GPR155: variants seen among roughly 807,000 people sequenced by gnomAD.
The protein encoded by GPR155 is lysosomal cholesterol signaling protein.
Under a neutral mutation model 93.1 loss-of-function variants are expected in GPR155, and 65 were observed. That is an observed-to-expected ratio of 0.70 (90% CI 0.57 to 0.86). GPR155 has a LOEUF of 0.86. Among genes scored for constraint, GPR155 ranks in the 40% least tolerant of loss-of-function variants. The probability of loss-of-function intolerance (pLI) is 0.00; values close to 1 mark genes in which losing one functional copy is unlikely to be tolerated. For synonymous variants in GPR155, 319 were observed against 360.1 expected, an observed-to-expected ratio of 0.89 and a Z score of 1.29; for missense variants, 838 against 1,034.8, an observed-to-expected ratio of 0.81 and a Z score of 2.61.
chr2:174,475,224 G>A (rs1688125756), intron 2 of GPR155, among the ~76,000 whole-genome samples: 1 of 145,554 alleles, frequency 6.9e-6, no homozygotes, highest in Non-Finnish European at 1.5e-5. Context: ...GAACCCGGGA[G>A]GCGGAGCTTG....
chr2:174,439,841 A>C, intron 15 of GPR155, 57 bp downstream of exon 15: 1 of 1,459,908 alleles, frequency 6.8e-7, no homozygotes, highest in Non-Finnish European at 9.5e-7. Flanking sequence ...ATCCAAAATT[A>C]ATCAATTAAT....
chr2:174,450,444 A>C (rs529327692), intron 11 of GPR155, among the ~76,000 whole-genome samples: 6 of 152,298 alleles, frequency 3.9e-5, no homozygotes, highest in African/African-American at 1.4e-4. Context: ...CCCAGGTAGC[A>C]AAACTGCACA....
chr2:174,440,108 C>G, intron 14 of GPR155, 73 bp from the exon 15 acceptor site: 1 of 1,255,784 alleles, frequency 8.0e-7, no homozygotes, highest in Non-Finnish European at 1.1e-6. Flanking sequence ...CCTTATCACC[C>G]CATCAAAATG....
At chr2:174,463,836 T>C (rs1294413567) in intron 7 of GPR155, among the ~76,000 whole-genome samples, 1 of 152,246 alleles carries the variant, frequency 6.6e-6, no homozygotes, top group Non-Finnish European at 1.5e-5. Context: ...AAAGAATACA[T>C]ACCTAGATTT....
chr2:174,461,531 A>G (rs11904003), intron 8 of GPR155, 39 bp from the exon 9 acceptor site: 101,864 of 1,558,674 alleles, frequency 0.065, 4,276 homozygotes, highest in African/African-American at 0.15. Context: ...AAAAGAAAGG[A>G]TGAATAGTAA....
intron 7 of GPR155, among the ~76,000 whole-genome samples, chr2:174,462,711 T>C (rs529921090): frequency 3.1e-4 from 47 of 152,264 alleles, no homozygotes; most frequent in Admixed American, 5.2e-4. Flanking sequence ...GTTATGTTTT[T>C]AGAAAACGCC....
chr2:174,478,518 C>G (rs1485944018), intron 2 of GPR155, among the ~76,000 whole-genome samples: 1 of 152,166 alleles, frequency 6.6e-6, no homozygotes, highest in Admixed American at 6.5e-5. Flanking sequence ...CCATGTCCAG[C>G]CTTCTTTTTT....
chr2:174,439,065 A>G (rs144940397), intron 15 of GPR155, among the ~76,000 whole-genome samples: 1 of 152,302 alleles, frequency 6.6e-6, no homozygotes, highest in East Asian at 1.9e-4. Context: ...GCTGAGTTCT[A>G]GTATTAGTCC....
intron 11 of GPR155, among the ~76,000 whole-genome samples, chr2:174,449,927 G>C (rs1687267168): frequency 6.6e-6 from 1 of 152,194 alleles, no homozygotes; most frequent in Non-Finnish European, 1.5e-5. Flanking sequence ...AGTGAGCCAA[G>C]ATCGTGCCAC....
chr2:174,485,721 C>G (rs1688459380), intron 1 of GPR155, among the ~76,000 whole-genome samples: 1 of 151,842 alleles, frequency 6.6e-6, no homozygotes, highest in African/African-American at 2.4e-5. Flanking sequence ...TTAAAAGTTT[C>G]ATTTCATCCT....
intron 4 of GPR155, among the ~76,000 whole-genome samples, chr2:174,469,548 C>G (rs918909896): frequency 6.6e-5 from 10 of 152,184 alleles, no homozygotes; most frequent in African/African-American, 2.4e-4. Flanking sequence ...CTGTAGATAC[C>G]ATTTACAATA....
At position 174,460,073 on chromosome 2, in the gene GPR155, C is replaced by G; in HGVS notation, c.1576G>C (p.Val526Leu). ...YGKEQMITTA[V>L]TLFCSILIAG... ...ATCAGGATGCTGCAGAACAGGGTGA[C>G]TGCTGTGGTGATCATCTGCCGACAT... is the stretch of plus-strand genomic sequence containing the variant. Residue 526 changes from valine (V) to leucine (L), a missense_variant, in exon 10 of 16, where the codon GTC becomes CTC. Val to Leu is a conservative substitution (Grantham distance 32). Around this residue, in one of 3 missense-constraint regions of GPR155, gnomAD observed 663 missense variants for 790.1 expected, o/e 0.84. Coordinates refer to ENST00000392552, the MANE Select transcript of GPR155 (RefSeq NM_152529.7). 6.2e-7 allele frequency: 1 copy of G among 1,612,178 alleles called. No homozygotes were observed. Among genetic ancestry groups the G allele is most frequent in the Middle Eastern group, 1.7e-4 (1 of 6,054 alleles).
At chr2:174,485,934 C>T (rs1374736596) in intron 1 of GPR155, among the ~76,000 whole-genome samples, 1 of 152,206 alleles carries the variant, frequency 6.6e-6, no homozygotes, top group Non-Finnish European at 1.5e-5. Context: ...TACTTACAAA[C>T]CGCTTCTAGC....
chr2:174,477,491 CAGA>C (rs750884005), intron 2 of GPR155, among the ~76,000 whole-genome samples: 2 of 152,026 alleles, frequency 1.3e-5, no homozygotes, highest in African/African-American at 4.8e-5. Flanking sequence ...AGCATAGAGG[CAGA>C]AGAAGTGTAG....
At position 174,431,764 on chromosome 2, in the gene GPR155, G is replaced by A. The variant is rs1003418646; in HGVS notation, c.*4352C>T. The stretch of plus-strand genomic sequence containing the variant: ...TGAGATATGAAGGGGCAAACACTAA[G>A]AGCCGCATTCTGCTGCGTAACAAAC... On this transcript the variant is annotated 3_prime_UTR_variant, in exon 16 of 16. Transcript: ENST00000392552. The A allele has an allele frequency of 6.6e-6, 1 of 152,116 alleles. No homozygotes were observed. Among genetic ancestry groups the A allele is most frequent in the Non-Finnish European group, 1.5e-5 (1 of 68,018 alleles). 9.4% of individuals were successfully genotyped at this position (152,116 alleles called of 1,614,324 possible).
chr2:174,460,038 T>C lies in GPR155; in HGVS notation c.1611A>G (p.Ile537Met). Residue 537 changes from isoleucine (I) to methionine (M), a missense_variant, in exon 10 of 16, where the codon ATA (isoleucine) becomes ATG (methionine). By Grantham distance (10) the Ile-to-Met change is conservative. Coordinates refer to ENST00000392552, the MANE Select transcript of GPR155 (RefSeq NM_152529.7). ...TLFCSILIAG[I>M]SLMCMNQTAQ... ...CAGTCTGGTTCATGCACATGAGGGA[T>C]ATGCCAGCTATCAGGATGCTGCAGA... 1 of 1,613,694 alleles carries C rather than the reference T, an allele frequency of 6.2e-7. No individual in the cohort carries two copies. Among genetic ancestry groups the C allele is most frequent in the Non-Finnish European group, 8.5e-7 (1 of 1,179,998 alleles).
Position 174,439,827 on chromosome 2 carries a change from T to G in GPR155, c.2312+71A>C, listed in dbSNP as rs1686900596. ...GTCACAACCACCTCATTTAGCCTAT[T>G]ACAATCCAAAATTAATCAATTAATC... On this transcript the variant is annotated intron_variant, in intron 15 of 15. Coordinates refer to ENST00000392552, the MANE Select transcript of GPR155 (RefSeq NM_152529.7). The G allele has an allele frequency of 8.1e-6, 11 of 1,362,828 alleles. No homozygotes were observed. In the Admixed American group the frequency reaches 2.1e-4, roughly 26 times the overall value. The allele number at this position is 1,362,828 out of a possible 1,614,324, so 84.4% of individuals were successfully genotyped here.
At chr2:174,446,539 G>T in intron 12 of GPR155, 72 bp downstream of exon 12, 1 of 1,440,250 alleles carries the variant, frequency 6.9e-7, no homozygotes, top group Non-Finnish European at 9.5e-7. Flanking sequence ...AGTTTTTCCC[G>T]GATGCCTGAA....
chr2:174,484,191 A>G (rs1688409347), intron 1 of GPR155, among the ~76,000 whole-genome samples: 1 of 152,250 alleles, frequency 6.6e-6, no homozygotes, highest in Non-Finnish European at 1.5e-5. Context: ...TGGTCAATAT[A>G]GTACATGAAA....
Sources: allele counts gnomAD v4.1 joint callset (sites outside exome capture counted in the v4.1 genomes callset), GRCh38; gene constraint gnomAD v4.1.1; regional missense constraint gnomAD v4.1.1; transcripts MANE v1.5; gene names NCBI Gene and HGNC (gene_info 2026-07-23, HGNC 2026-07-21).